Variants in G3BP2 observed in about 807,000 individuals in gnomAD.
G3BP2 encodes the protein G3BP stress granule assembly factor 2, also known as ras GTPase-activating protein-binding protein 2.
A neutral mutation model predicts 56.7 loss-of-function variants in G3BP2; 11 were observed. The observed-to-expected ratio is 0.19, with a 90% confidence interval of 0.12 to 0.32. The LOEUF is 0.32. Among genes scored for constraint, G3BP2 ranks in the 10% least tolerant of loss-of-function variants. The pLI is 1.00. For missense variants in G3BP2, 340 were observed against 610.9 expected (o/e 0.56, Z 4.67); for synonymous variants, 165 against 191.6 (o/e 0.86, Z 1.15).
In G3BP2 at chr4:75,646,987, TAAAATAATTTAAAAACTCCAACAGCAAA is replaced by T; in HGVS notation, c.1057+14_1057+41del. 1 of 1,329,446 alleles carries T rather than the reference TAAAATAATTTAAAAACTCCAACAGCAAA, an allele frequency of 7.5e-7. No individual in the cohort carries two copies. Among genetic ancestry groups the T allele is most frequent in the Non-Finnish European group, 1.0e-6 (1 of 962,314 alleles). The allele number at this position is 1,329,446 out of a possible 1,614,324, so 82.4% of individuals were successfully genotyped here. ...AGCTCCATATGCCTCTTGCTTAATTTAAAATAATTTAAAAACTCCAACAGCAAAATAAATCACTTACTCATGAAGAATT... is the reference window on the plus strand; with the variant it reads ...AGCTCCATATGCCTCTTGCTTAATTTATAAATCACTTACTCATGAAGAATT... On this transcript the variant is annotated intron_variant, in intron 10 of 11. Transcript: ENST00000359707.
upstream of G3BP2, among the ~76,000 whole-genome samples, chr4:75,676,555 T>A (rs1376602902): frequency 1.3e-5 from 2 of 152,000 alleles, no homozygotes; most frequent in Non-Finnish European, 2.9e-5. Context: ...GTTGGCCAGG[T>A]TGATCTCGAA....
chr4:75,675,242 T>C (rs951058303), upstream of G3BP2, among the ~76,000 whole-genome samples: 1 of 152,198 alleles, frequency 6.6e-6, no homozygotes, highest in African/African-American at 2.4e-5. Context: ...AACCTTCAAG[T>C]GTTTCCGGTT....
chr4:75,668,645 T>G (rs774262702), intron 1 of G3BP2, among the ~76,000 whole-genome samples: 1 of 152,158 alleles, frequency 6.6e-6, no homozygotes, highest in South Asian at 2.1e-4. Flanking sequence ...AAAAGTAAGA[T>G]TAGGCCATTC....
rs67468716 is a variant in G3BP2, at chr4:75,720,022, C to CTTTTT, written c.-25+850_-25+854dup. Among the ~76,000 whole-genome samples the CTTTTT allele has an allele frequency of 8.2e-5, 8 of 97,336 alleles. 1 individual carries two copies. The highest frequency in any genetic ancestry group is 2.9e-4 in the African/African-American group (7 of 24,242). The allele number at this position is 97,336 out of a possible 152,430, so 63.9% of individuals were successfully genotyped here. On this transcript the variant is annotated intron_variant, in intron 3 of 3. Coordinates refer to the G3BP2 transcript ENST00000499709. Reference sequence around the variant, plus strand: ...GAGCAGGATGGGGGGGCCCAGAACCCTTTTTTTTTTTTGAGAAAGGGTCTC... The same window carrying CTTTTT: ...GAGCAGGATGGGGGGGCCCAGAACCCTTTTTTTTTTTTTTTTTGAGAAAGGGTCTC...
At chr4:75,707,660 T>C (rs998395132) in intron 3 of G3BP2, among the ~76,000 whole-genome samples, 3 of 151,766 alleles carry the variant, frequency 2.0e-5, no homozygotes, top group African/African-American at 7.3e-5. Flanking sequence ...TAAAGGATCA[T>C]TAATGGTTAG....
At position 75,680,448 on chromosome 4, in the gene G3BP2, C is replaced by T. The variant is rs371605284; in HGVS notation, c.-24-18399G>A. 7.9e-5 allele frequency among the ~76,000 whole-genome samples: 12 copies of T among 152,288 alleles called. 1 individual carries two copies. The highest frequency in any genetic ancestry group is 2.9e-4 in the African/African-American group (12 of 41,556). On this transcript the variant is annotated intron_variant, in intron 3 of 3. Transcript: ENST00000499709. ...TGACTTTCCTCAGTGGATAAACAGC[C>T]TACTTAGGATTGTTCTGAAGATTCT...
At chr4:75,717,013 T>C (rs1362860130) in intron 3 of G3BP2, among the ~76,000 whole-genome samples, 1 of 152,168 alleles carries the variant, frequency 6.6e-6, no homozygotes, top group East Asian at 1.9e-4. Context: ...TACCTCTCCT[T>C]TTCCCAAACC....
intron 1 of G3BP2, among the ~76,000 whole-genome samples, chr4:75,666,476 T>G (rs1279759799): frequency 6.6e-6 from 1 of 152,210 alleles, no homozygotes; most frequent in Non-Finnish European, 1.5e-5. Flanking sequence ...TTCAACTAAT[T>G]ACATCAGTTA....
intron 3 of G3BP2, among the ~76,000 whole-genome samples, chr4:75,700,929 A>T (rs1719318803): frequency 6.6e-6 from 1 of 151,840 alleles, no homozygotes; most frequent in South Asian, 2.1e-4. Context: ...AACTCCACCT[A>T]CTGGGTTCAA....
intron 3 of G3BP2, among the ~76,000 whole-genome samples, chr4:75,704,068 G>C (rs1719449742): frequency 1.3e-5 from 2 of 150,754 alleles, no homozygotes; most frequent in Admixed American, 1.3e-4. Context: ...CGCCAGGCTG[G>C]AGTGCCGTGG....
At chr4:75,662,241 A>G (rs6858530) in intron 1 of G3BP2, 192 bp from the exon 2 acceptor site, 5,582 of 327,222 alleles carry the variant, frequency 0.017, 280 homozygotes, top group African/African-American at 0.15. Context: ...TTTTTTTTTG[A>G]GACGGAGTTT....
At chr4:75,715,885 A>G (rs890132517) in intron 3 of G3BP2, among the ~76,000 whole-genome samples, 1 of 152,242 alleles carries the variant, frequency 6.6e-6, no homozygotes, top group Non-Finnish European at 1.5e-5. Context: ...TAAATACCAA[A>G]ATACCAGTAT....
upstream of G3BP2, among the ~76,000 whole-genome samples, chr4:75,677,470 C>T (rs1328211380): frequency 1.3e-5 from 2 of 151,998 alleles, no homozygotes; most frequent in Non-Finnish European, 2.9e-5. Flanking sequence ...ACTGGGGAGG[C>T]TGAGGCAGGA....
intron 3 of G3BP2, among the ~76,000 whole-genome samples, chr4:75,681,176 T>A (rs951787122): frequency 6.9e-6 from 1 of 144,944 alleles, no homozygotes; most frequent in African/African-American, 2.6e-5. Flanking sequence ...ATATAAAAAT[T>A]TGCCGGGCGT....
intron 3 of G3BP2, among the ~76,000 whole-genome samples, chr4:75,711,488 G>A (rs1450897339): frequency 7.4e-5 from 11 of 149,510 alleles, no homozygotes; most frequent in South Asian, 2.1e-4. Flanking sequence ...CAAGGTGGGC[G>A]GATCACCTGA....
intron 3 of G3BP2, among the ~76,000 whole-genome samples, chr4:75,685,387 G>T (rs1718549687): frequency 6.6e-6 from 1 of 151,456 alleles, no homozygotes; most frequent in Non-Finnish European, 1.5e-5. Context: ...TGTAATCCCA[G>T]CTACTCAGGA....
chr4:75,646,245 T>G lies in G3BP2; in HGVS notation c.1176+93A>C. The G allele has an allele frequency of 1.2e-5, 8 of 672,002 alleles. No homozygotes were observed. The South Asian group carries it at 1.2e-4, about 10-fold the overall frequency. 41.6% of individuals were successfully genotyped at this position (672,002 alleles called of 1,614,324 possible). A position where few individuals can be genotyped will look rare whatever the true frequency, so the allele number is the denominator to read the frequency against. On this transcript the variant is annotated intron_variant, in intron 11 of 11. Transcript: ENST00000359707. ...ATTTAATAACTATTTTTAGCTTTAT[T>G]ATTAAAAGATTTTCTATGGTTTTTA...
intron 5 of G3BP2, among the ~76,000 whole-genome samples, chr4:75,656,246 C>T (rs961569073): frequency 6.6e-6 from 1 of 151,828 alleles, no homozygotes; most frequent in African/African-American, 2.4e-5. Context: ...CCCGCCCTGG[C>T]CTCCCAAAAC....
chr4:75,679,163 G>T (rs891442842), intron 3 of G3BP2, among the ~76,000 whole-genome samples: 1 of 152,182 alleles, frequency 6.6e-6, no homozygotes, highest in African/African-American at 2.4e-5. Flanking sequence ...ATGTCCTACT[G>T]CTAAATGATG....
Sources: allele counts gnomAD v4.1 joint callset (sites outside exome capture counted in the v4.1 genomes callset), GRCh38; gene constraint gnomAD v4.1.1; transcripts MANE v1.5; gene names NCBI Gene and HGNC (gene_info 2026-07-23, HGNC 2026-07-21).